Variants in MAMDC2 observed in about 807,000 individuals in gnomAD.
MAMDC2 encodes MAM domain-containing protein 2.
Under a neutral mutation model 89.8 loss-of-function variants are expected in MAMDC2, and 57 were observed. The ratio of observed to expected loss-of-function variants is 0.63; its 90% CI spans 0.51 to 0.79. The LOEUF is 0.79. MAMDC2 is among the 30% of genes least tolerant of loss of function. The pLI is 0.00. For missense variants in MAMDC2, 800 were observed against 820.6 expected (o/e 0.97, Z 0.31); for synonymous variants, 313 against 293.4 (o/e 1.07, Z -0.68).
chr9:70,188,011 A>C (rs1014196619), intron 11 of MAMDC2, among the ~76,000 whole-genome samples: 1 of 152,184 alleles, frequency 6.6e-6, no homozygotes, highest in African/African-American at 2.4e-5. Context: ...GCAGTGTATT[A>C]GGGTTTCAGT....
chr9:70,207,363 C>T (rs10119662), intron 11 of MAMDC2, among the ~76,000 whole-genome samples: 96,878 of 151,882 alleles, frequency 0.64, 31,688 homozygotes, highest in Non-Finnish European at 0.71. Flanking sequence ...TTTTGATTTG[C>T]ATTTCTCTGA....
chr9:70,146,683 A>C (rs1390687824), intron 9 of MAMDC2, among the ~76,000 whole-genome samples: 1 of 152,194 alleles, frequency 6.6e-6, no homozygotes, highest in East Asian at 1.9e-4. Flanking sequence ...CTGAAGTCAC[A>C]ACACTCTGGG....
chr9:70,186,784 A>G (rs1004828973), intron 11 of MAMDC2, among the ~76,000 whole-genome samples: 1 of 152,242 alleles, frequency 6.6e-6, no homozygotes, highest in East Asian at 1.9e-4. Context: ...TTTTACTTGT[A>G]GCGGAAGGCA....
intron 9 of MAMDC2, among the ~76,000 whole-genome samples, chr9:70,149,151 GTT>G (rs1383708587): frequency 2.0e-5 from 3 of 147,370 alleles, no homozygotes; most frequent in Non-Finnish European, 4.5e-5. Context: ...GTGGATGGAG[GTT>G]TCAGTGAGCC....
At chr9:70,222,784 C>G (rs1302834839) in intron 12 of MAMDC2, among the ~76,000 whole-genome samples, 2 of 152,074 alleles carry the variant, frequency 1.3e-5, no homozygotes, top group African/African-American at 4.8e-5. Context: ...TTACATCAGT[C>G]ATATTATTAA....
At chr9:70,146,866 C>T (rs141551644) in intron 9 of MAMDC2, among the ~76,000 whole-genome samples, 6,776 of 151,404 alleles carry the variant, frequency 0.045, 187 homozygotes, top group South Asian at 0.069. Context: ...ACCCAGGAGG[C>T]GGAGGTTGCA....
At chr9:70,173,885 T>C (rs2032423291) in intron 11 of MAMDC2, among the ~76,000 whole-genome samples, 1 of 152,198 alleles carries the variant, frequency 6.6e-6, no homozygotes, top group South Asian at 2.1e-4. Context: ...CTTGAGAAAG[T>C]TACTTAAAAT....
intron 9 of MAMDC2, among the ~76,000 whole-genome samples, chr9:70,149,931 G>A (rs1691394767): frequency 6.6e-6 from 1 of 152,190 alleles, no homozygotes. Context: ...ATATGTCTGT[G>A]TAGTGCCCCT....
At chr9:70,044,759 T>G in intron 2 of MAMDC2, 62 bp downstream of exon 2, 10 of 1,181,538 alleles carry the variant, frequency 8.5e-6, no homozygotes, top group Non-Finnish European at 1.2e-5. Flanking sequence ...CTTGCTTTTT[T>G]TTCCCACATG....
At chr9:70,112,098 G>A (rs2997714) in intron 4 of MAMDC2, among the ~76,000 whole-genome samples, 25,337 of 152,084 alleles carry the variant, frequency 0.17, 3,218 homozygotes, top group African/African-American at 0.35. Context: ...GATACAGTCC[G>A]GATAGGTCAA....
intron 2 of MAMDC2, among the ~76,000 whole-genome samples, chr9:70,084,943 G>C (rs1827733859): frequency 6.6e-6 from 1 of 152,084 alleles, no homozygotes; most frequent in African/African-American, 2.4e-5. Context: ...TGAAATTGCA[G>C]TGATGGGGAA....
intron 9 of MAMDC2, among the ~76,000 whole-genome samples, chr9:70,145,890 C>G (rs1267715342): frequency 2.0e-5 from 3 of 152,126 alleles, no homozygotes; most frequent in Admixed American, 6.6e-5. Flanking sequence ...ATGTAAGCAA[C>G]TAACTACCAT....
intron 12 of MAMDC2, 135 bp downstream of exon 12, chr9:70,218,731 A>C: frequency 1.0e-6 from 1 of 971,928 alleles, no homozygotes; most frequent in Non-Finnish European, 1.4e-6. Flanking sequence ...AAGAGGGAGT[A>C]AACATAATTA....
chr9:70,209,666 C>T (rs2033308569), intron 11 of MAMDC2, among the ~76,000 whole-genome samples: 1 of 152,010 alleles, frequency 6.6e-6, no homozygotes, highest in South Asian at 2.1e-4. Flanking sequence ...TTATTTCTTG[C>T]CTTCTGCTAG....
intron 2 of MAMDC2, among the ~76,000 whole-genome samples, chr9:70,062,281 T>A (rs914733989): frequency 2.0e-5 from 3 of 150,186 alleles, no homozygotes; most frequent in Admixed American, 6.6e-5. Context: ...ACACACACAC[T>A]ATCTCTTTAT....
intron 2 of MAMDC2, among the ~76,000 whole-genome samples, chr9:70,105,694 T>C (rs1252382752): frequency 9.2e-5 from 14 of 152,204 alleles, no homozygotes; most frequent in Admixed American, 9.2e-4. Context: ...GTATTTTAAA[T>C]AGTACATTTT....
chr9:70,132,620 G>C (rs1305529868), intron 7 of MAMDC2, among the ~76,000 whole-genome samples: 2 of 151,648 alleles, frequency 1.3e-5, no homozygotes, highest in African/African-American at 2.4e-5. Context: ...GCTCACCACA[G>C]CCTCAAACTC....
At chr9:70,122,249 C>A (rs2030318823) in intron 5 of MAMDC2, among the ~76,000 whole-genome samples, 1 of 152,210 alleles carries the variant, frequency 6.6e-6, no homozygotes, top group South Asian at 2.1e-4. Flanking sequence ...CTCTCTGACT[C>A]ACTTTGGGCA....
At chr9:70,225,937 A>G (rs762841954) in intron 13 of MAMDC2, 31 bp from the exon 14 acceptor site, 3 of 1,496,950 alleles carry the variant, frequency 2.0e-6, no homozygotes, top group Non-Finnish European at 1.8e-6. Context: ...TAATAAAAAT[A>G]CTGTTATTGT....
Sources: allele counts gnomAD v4.1 joint callset (sites outside exome capture counted in the v4.1 genomes callset), GRCh38; gene constraint gnomAD v4.1.1; transcripts MANE v1.5; gene names NCBI Gene and HGNC (gene_info 2026-07-23, HGNC 2026-07-21).